Variants in FAM110B observed in about 807,000 individuals in gnomAD.
FAM110B encodes protein FAM110B.
A neutral mutation model predicts 20.4 loss-of-function variants in FAM110B; 6 were observed. The observed-to-expected ratio is 0.29, with a 90% confidence interval of 0.16 to 0.58. The LOEUF (loss-of-function observed/expected upper bound fraction) is 0.58. Among genes scored for constraint, FAM110B ranks in the 20% least tolerant of loss-of-function variants. The probability of loss-of-function intolerance (pLI) is 0.90; values close to 1 mark genes in which losing one functional copy is unlikely to be tolerated. For missense variants in FAM110B, 434 were observed against 498.2 expected (o/e 0.87, Z 1.23); for synonymous variants, 226 against 214.1 (o/e 1.06, Z -0.49).
chr8:58,026,131 G>A (rs1479185159), intron 1 of FAM110B, among the ~76,000 whole-genome samples: 3 of 152,214 alleles, frequency 2.0e-5, no homozygotes, highest in Admixed American at 6.5e-5. Flanking sequence ...ATTGAGTACA[G>A]GGTAGTGCTT....
chr8:57,995,306 A>T (rs1340153568), intron 1 of FAM110B, among the ~76,000 whole-genome samples: 1 of 152,144 alleles, frequency 6.6e-6, no homozygotes, highest in African/African-American at 2.4e-5. Context: ...ACTTTATGAG[A>T]GTATCAATAC....
intron 3 of FAM110B, among the ~76,000 whole-genome samples, chr8:58,114,953 A>G (rs1452238985): frequency 1.3e-5 from 2 of 151,602 alleles, no homozygotes; most frequent in East Asian, 1.9e-4. Context: ...CTGGAATCAG[A>G]CCACTAGAAT....
At chr8:58,130,471 C>T (rs1439778173) in intron 3 of FAM110B, among the ~76,000 whole-genome samples, 1 of 152,190 alleles carries the variant, frequency 6.6e-6, no homozygotes, top group Non-Finnish European at 1.5e-5. Flanking sequence ...GCGGTCACAC[C>T]AGCCTTTCCT....
intron 3 of FAM110B, among the ~76,000 whole-genome samples, chr8:58,135,008 T>C (rs1245361345): frequency 2.0e-5 from 3 of 152,192 alleles, no homozygotes; most frequent in Non-Finnish European, 4.4e-5. Flanking sequence ...CCATATTACT[T>C]TAATATAAAG....
At chr8:58,089,408 G>T (rs1312004071) in intron 3 of FAM110B, among the ~76,000 whole-genome samples, 1 of 152,118 alleles carries the variant, frequency 6.6e-6, no homozygotes, top group African/African-American at 2.4e-5. Flanking sequence ...TGGGTGCCTT[G>T]GTTTTGTGGG....
In FAM110B at chr8:58,102,172, A is replaced by G. The variant is rs574998948; in HGVS notation, c.-325+26549A>G. 2.6e-5 allele frequency among the ~76,000 whole-genome samples: 4 copies of G among 152,342 alleles called. No homozygotes were observed. The East Asian group carries it at 7.7e-4, about 29-fold the overall frequency. ...GCATGTTAAGAGACCCAGACTGCAA[A>G]TAACTTTGGAACGGCTTCAGTGTAA... On this transcript the variant is annotated intron_variant, in intron 3 of 3. Transcript: ENST00000519262.
intron 3 of FAM110B, among the ~76,000 whole-genome samples, chr8:58,121,805 C>T (rs16923080): frequency 0.056 from 8,566 of 152,228 alleles, 380 homozygotes; most frequent in African/African-American, 0.12. Flanking sequence ...TCATACAGAC[C>T]TCTTTCCTGT....
At chr8:58,009,271 G>A (rs7828484) in intron 1 of FAM110B, among the ~76,000 whole-genome samples, 2,027 of 152,288 alleles carry the variant, frequency 0.013, 41 homozygotes, top group African/African-American at 0.045. Context: ...AGATGGGAGC[G>A]AAGTACCACT....
intron 3 of FAM110B, among the ~76,000 whole-genome samples, chr8:58,094,346 T>C (rs1314534886): frequency 6.6e-6 from 1 of 152,186 alleles, no homozygotes; most frequent in Non-Finnish European, 1.5e-5. Flanking sequence ...AGGGAATGCT[T>C]CCAGTTTTTG....
At chr8:58,123,121 C>G (rs1256683012) in intron 3 of FAM110B, among the ~76,000 whole-genome samples, 1 of 152,160 alleles carries the variant, frequency 6.6e-6, no homozygotes, top group Non-Finnish European at 1.5e-5. Flanking sequence ...CCTAGTCCTC[C>G]TGCTATCAAA....
intron 3 of FAM110B, among the ~76,000 whole-genome samples, chr8:58,093,364 AG>A (rs1446792455): frequency 6.6e-6 from 1 of 152,142 alleles, no homozygotes; most frequent in Non-Finnish European, 1.5e-5. Context: ...GTTTTCTTCT[AG>A]GGTTTTTATG....
chr8:58,042,129 C>A (rs571180938), intron 2 of FAM110B, among the ~76,000 whole-genome samples: 1 of 152,150 alleles, frequency 6.6e-6, no homozygotes, highest in Admixed American at 6.5e-5. Context: ...AAATTTAGAA[C>A]AAGTACTGTT....
chr8:58,097,783 T>C (rs777001382), intron 3 of FAM110B, among the ~76,000 whole-genome samples: 7 of 152,242 alleles, frequency 4.6e-5, no homozygotes, highest in Non-Finnish European at 1.0e-4. Flanking sequence ...TTTGTTAGTT[T>C]TCCCTTTTCT....
chr8:58,017,627 A>G (rs769534550), intron 1 of FAM110B, among the ~76,000 whole-genome samples: 2 of 152,230 alleles, frequency 1.3e-5, no homozygotes, highest in Non-Finnish European at 1.5e-5. Flanking sequence ...TTTTGTTTGG[A>G]AAATTCTGAG....
chr8:58,009,643 A>G (rs1320893488), intron 1 of FAM110B, among the ~76,000 whole-genome samples: 1 of 152,260 alleles, frequency 6.6e-6, no homozygotes, highest in Non-Finnish European at 1.5e-5. Flanking sequence ...TGAAAACTTA[A>G]GATAACATAT....
chr8:58,058,336 A>G (rs79733126), intron 2 of FAM110B, among the ~76,000 whole-genome samples: 82 of 55,960 alleles, frequency 1.5e-3, no homozygotes, highest in East Asian at 6.6e-3. Flanking sequence ...GACAAAAAGG[A>G]AAAAAAAAAA....
chr8:58,108,437 G>A (rs1806973305), intron 3 of FAM110B, among the ~76,000 whole-genome samples: 1 of 152,230 alleles, frequency 6.6e-6, no homozygotes. Flanking sequence ...CTTGCTGGCA[G>A]GCCTTCACTT....
intron 1 of FAM110B, among the ~76,000 whole-genome samples, chr8:58,007,135 G>T (rs901693184): frequency 6.6e-6 from 1 of 151,822 alleles, no homozygotes; most frequent in East Asian, 1.9e-4. Flanking sequence ...TCTTCTCTTA[G>T]CTGGAATGTC....
At chr8:58,010,957 C>CT (rs1804522138) in intron 1 of FAM110B, among the ~76,000 whole-genome samples, 1 of 152,158 alleles carries the variant, frequency 6.6e-6, no homozygotes, top group Admixed American at 6.5e-5. Context: ...GGGAGGTGTA[C>CT]TGGGCCCAAG....
Sources: allele counts gnomAD v4.1 joint callset (sites outside exome capture counted in the v4.1 genomes callset), GRCh38; gene constraint gnomAD v4.1.1; transcripts MANE v1.5; gene names NCBI Gene and HGNC (gene_info 2026-07-23, HGNC 2026-07-21).